PAK1IP1: variants seen among roughly 807,000 people sequenced by gnomAD.
PAK1IP1 encodes p21-activated protein kinase-interacting protein 1.
PAK1IP1 carries 24 observed loss-of-function variants against 42.0 expected under a neutral mutation model. That is an observed-to-expected ratio of 0.57 (90% CI 0.41 to 0.80). PAK1IP1 has a LOEUF of 0.80. PAK1IP1 is among the 30% of genes least tolerant of loss of function. The probability of loss-of-function intolerance (pLI) is 0.00; values close to 1 mark genes in which losing one functional copy is unlikely to be tolerated. For synonymous variants in PAK1IP1, 154 were observed against 156.7 expected, an observed-to-expected ratio of 0.98 and a Z score of 0.13; for missense variants, 411 against 467.9, an observed-to-expected ratio of 0.88 and a Z score of 1.12.
At position 10,709,276 on chromosome 6, in the gene PAK1IP1, G is replaced by A. The variant is rs1441369764; in HGVS notation, c.1003G>A (p.Gly335Ser). ...EQSKIGKKEPGDTVHKEEKRS... is the reference protein window; with the variant it reads ...EQSKIGKKEPSDTVHKEEKRS... ...GTCCAAAATTGGCAAAAAGGAGCCT[G>A]GTGACACAGTGCACAAAGAAGAAAA... The change falls in exon 10 of 10, where the codon GGT (glycine) becomes AGT (serine). Residue 335 changes from glycine (G) to serine (S), a missense_variant. By Grantham distance (56) the Gly-to-Ser change is moderately conservative (BLOSUM62 0). Transcript: ENST00000379568. 1 of 1,613,452 alleles carries A rather than the reference G, an allele frequency of 6.2e-7. No individual in the cohort carries two copies. The highest frequency in any genetic ancestry group is 1.1e-5 in the South Asian group (1 of 90,876).
intron 2 of PAK1IP1, among the ~76,000 whole-genome samples, chr6:10,699,702 A>C (rs1769967661): frequency 6.6e-6 from 1 of 151,926 alleles, no homozygotes; most frequent in African/African-American, 2.4e-5. Context: ...CCTTTTTCCT[A>C]CCCAATCTTA....
intron 8 of PAK1IP1, among the ~76,000 whole-genome samples, chr6:10,708,632 A>G (rs1427021352): frequency 7.7e-6 from 1 of 129,476 alleles, no homozygotes; most frequent in African/African-American, 5.1e-5. Context: ...TGCACCCATT[A>G]ACTTCGTCAT....
intron 1 of PAK1IP1, among the ~76,000 whole-genome samples, chr6:10,696,717 T>C (rs1581579541): frequency 6.6e-6 from 1 of 152,144 alleles, no homozygotes; most frequent in African/African-American, 2.4e-5. Flanking sequence ...GCGAGGCAGG[T>C]GGATCACCTG....
intron 7 of PAK1IP1, among the ~76,000 whole-genome samples, chr6:10,705,047 G>A (rs113474292): frequency 4.6e-5 from 7 of 152,204 alleles, no homozygotes; most frequent in African/African-American, 9.6e-5. Flanking sequence ...AAAGTGGGCC[G>A]GGAGCAGTAG....
At chr6:10,698,021 C>A (rs866781300) in intron 2 of PAK1IP1, among the ~76,000 whole-genome samples, 5 of 152,070 alleles carry the variant, frequency 3.3e-5, no homozygotes, top group Admixed American at 6.6e-5. Context: ...TCTGAATTAT[C>A]TTAAAAGAGA....
upstream of PAK1IP1, among the ~76,000 whole-genome samples, chr6:10,691,921 T>C (rs913843651): frequency 1.3e-5 from 2 of 152,188 alleles, no homozygotes; most frequent in African/African-American, 4.8e-5. Flanking sequence ...AACTATATTC[T>C]AAAATTCCTG....
chr6:10,702,293 A>C (rs995153960), intron 2 of PAK1IP1, 76 bp from the exon 3 acceptor site: 7 of 1,246,292 alleles, frequency 5.6e-6, no homozygotes, highest in Non-Finnish European at 8.2e-6. Context: ...TACTTAGCAT[A>C]GCATAGCCTT....
chr6:10,707,503 AAGC>A lies in PAK1IP1; in HGVS notation c.832_834del (p.Gln278del). 1 of 1,588,430 alleles carries A rather than the reference AAGC, an allele frequency of 6.3e-7. No homozygotes were observed. Among genetic ancestry groups the A allele is most frequent in the Non-Finnish European group, 8.6e-7 (1 of 1,156,470 alleles). On this transcript the variant is annotated inframe_deletion, in exon 8 of 10. Coordinates refer to ENST00000379568, the MANE Select transcript of PAK1IP1 (RefSeq NM_017906.3). ...TGGTTTCATCAAAATGTGGAAGCTT[AAGC>A]AGGATAAGGTCAGTGCTTCAACACA...
Position 10,700,907 on chromosome 6 carries a change from C to T in PAK1IP1, c.248-1462C>T, listed in dbSNP as rs563062048. Among the ~76,000 whole-genome samples, 188 of 152,034 alleles carry T rather than the reference C, an allele frequency of 1.2e-3. 1 individual carries two copies. Among genetic ancestry groups the T allele is most frequent in the South Asian group, 3.1e-3 (15 of 4,816 alleles). ...TAGGTAAACGTCCCATGGTGGTTTG[C>T]TTTACAGATCATCCCATCACCTAGG... On this transcript the variant is annotated intron_variant, in intron 2 of 9. Coordinates refer to ENST00000379568, the MANE Select transcript of PAK1IP1 (RefSeq NM_017906.3).
chr6:10,697,201 G>T, intron 1 of PAK1IP1, 123 bp from the exon 2 acceptor site: 2 of 763,404 alleles, frequency 2.6e-6, no homozygotes, highest in East Asian at 2.6e-5. Flanking sequence ...TTCATGAATC[G>T]TGGAATGATT....
chr6:10,704,500 C>G lies in PAK1IP1; in HGVS notation c.497-7C>G. On this transcript the variant is annotated splice_polypyrimidine_tract_variant and splice_region_variant and intron_variant, in intron 5 of 9. Coordinates refer to ENST00000379568, the MANE Select transcript of PAK1IP1 (RefSeq NM_017906.3). Reference sequence around the variant, plus strand: ...AATAAATAAACTTCGTTTTTTTCCACTTACAGATGCTCACATAGTAGAATG... The same window carrying G: ...AATAAATAAACTTCGTTTTTTTCCAGTTACAGATGCTCACATAGTAGAATG... The G allele has an allele frequency of 6.5e-7, 1 of 1,531,698 alleles. No individual in the cohort carries two copies. Among genetic ancestry groups the G allele is most frequent in the Non-Finnish European group, 8.8e-7 (1 of 1,134,942 alleles). 94.9% of individuals were successfully genotyped at this position (1,531,698 alleles called of 1,614,324 possible).
intron 2 of PAK1IP1, 114 bp from the exon 3 acceptor site, chr6:10,702,251 AAAAG>A: frequency 6.0e-6 from 5 of 833,716 alleles, no homozygotes; most frequent in Admixed American, 2.8e-5. Context: ...AAAAAAAAAA[AAAAG>A]AAAAAGAAAA....
chr6:10,694,903 G>GTT (rs878881986), upstream of PAK1IP1: 9,261 of 619,470 alleles, frequency 0.015, 169 homozygotes, highest in African/African-American at 0.08. Context: ...GGAGTCAGGT[G>GTT]TTTTTTTTTT....
intron 2 of PAK1IP1, among the ~76,000 whole-genome samples, chr6:10,699,680 A>G (rs1769967018): frequency 6.6e-6 from 1 of 152,230 alleles, no homozygotes; most frequent in Admixed American, 6.5e-5. Flanking sequence ...AGAAAGGCAG[A>G]TAAAATGGTG....
chr6:10,696,577 C>T lies in PAK1IP1; in HGVS notation c.85-747C>T, dbSNP rs181175928. On this transcript the variant is annotated intron_variant, in intron 1 of 9. Coordinates refer to ENST00000379568, the MANE Select transcript of PAK1IP1 (RefSeq NM_017906.3). ...AATAAGCACAGAGTTCCTGAGATTT[C>T]GTTATTGGTGATTCTCTAGAGCTTA... Among the ~76,000 whole-genome samples, 3 of 152,310 alleles carry T rather than the reference C, an allele frequency of 2.0e-5. No homozygotes were observed. The East Asian group carries it at 5.8e-4, about 29-fold the overall frequency.
intron 8 of PAK1IP1, 136 bp downstream of exon 8, chr6:10,707,650 T>C (rs1770246482): frequency 3.5e-6 from 2 of 569,734 alleles, no homozygotes; most frequent in South Asian, 4.9e-5. Flanking sequence ...ATATTAATGG[T>C]TTTAAAATTA....
chr6:10,708,460 C>T (rs1191383746), intron 8 of PAK1IP1, among the ~76,000 whole-genome samples: 3 of 151,886 alleles, frequency 2.0e-5, no homozygotes, highest in Non-Finnish European at 2.9e-5. Context: ...GGATTGTTTC[C>T]ACCTTTTGGA....
chr6:10,694,608 C>G, upstream of PAK1IP1: 1 of 178,120 alleles, frequency 5.6e-6, no homozygotes. Flanking sequence ...AAGCAACCGG[C>G]CGGAAGTCGG....
rs545748958 is a variant in PAK1IP1 at position 10,707,732 on chromosome 6, GCT to G, written c.840+221_840+222del. Among the ~76,000 whole-genome samples the G allele has an allele frequency of 1.4e-4, 22 of 152,236 alleles. No homozygotes were observed. In the East Asian group the frequency reaches 3.9e-3, roughly 27 times the overall value. On this transcript the variant is annotated intron_variant, in intron 8 of 9. Transcript: ENST00000379568. Reference sequence around the variant, plus strand: ...CTGGTGGGATCCCAGAACTCGCGCTGCTCTTTTTAGTCAGAGAAGCTCTACTT... The same window carrying G: ...CTGGTGGGATCCCAGAACTCGCGCTGCTTTTTAGTCAGAGAAGCTCTACTT...
Sources: gnomAD v4.1 joint callset for allele counts (sites outside exome capture counted in the v4.1 genomes callset) on GRCh38, gnomAD v4.1.1 for gene constraint, MANE v1.5 for transcripts, NCBI Gene and HGNC (gene_info 2026-07-23, HGNC 2026-07-21) for gene names.